CDH13: variants seen among roughly 807,000 people sequenced by gnomAD.
CDH13 encodes cadherin 13, also known as cadherin-13.
In CDH13, 24 loss-of-function variants were observed where a neutral mutation model predicts 63.8. That is an observed-to-expected ratio of 0.38 (90% CI 0.27 to 0.53). The LOEUF (loss-of-function observed/expected upper bound fraction) is 0.53. Ranked by LOEUF, CDH13 falls within the 20% of genes least tolerant of loss-of-function variation. The probability of loss-of-function intolerance (pLI) is 0.85; values close to 1 mark genes in which losing one functional copy is unlikely to be tolerated. For synonymous variants in CDH13, 503 were observed against 355.3 expected (o/e 1.42, Z -4.67); for missense variants, 1,049 against 903.1 (o/e 1.16, Z -2.07).
intron 1 of CDH13, among the ~76,000 whole-genome samples, chr16:82,847,956 T>C (rs1431027246): frequency 6.6e-6 from 1 of 151,762 alleles, no homozygotes; most frequent in Non-Finnish European, 1.5e-5. Flanking sequence ...ATTTGTGGTG[T>C]TGAAGTCAAA....
chr16:82,808,686 C>T (rs868148902), intron 1 of CDH13, among the ~76,000 whole-genome samples: 3 of 152,084 alleles, frequency 2.0e-5, no homozygotes, highest in African/African-American at 4.8e-5. Context: ...TGCTGTGTAA[C>T]GGGCACAGGT....
intron 6 of CDH13, among the ~76,000 whole-genome samples, chr16:83,467,747 C>G (rs2073352877): frequency 6.6e-6 from 1 of 152,146 alleles, no homozygotes; most frequent in Non-Finnish European, 1.5e-5. Flanking sequence ...TCCTCAGGAC[C>G]CAACCCACCA....
intron 1 of CDH13, among the ~76,000 whole-genome samples, chr16:82,633,231 A>G (rs1288910861): frequency 6.6e-6 from 1 of 152,226 alleles, no homozygotes; most frequent in African/African-American, 2.4e-5. Context: ...GAGCATCATC[A>G]TTCCATGAGT....
At chr16:82,991,084 G>T (rs1911598887) in intron 2 of CDH13, among the ~76,000 whole-genome samples, 1 of 152,178 alleles carries the variant, frequency 6.6e-6, no homozygotes, top group Non-Finnish European at 1.5e-5. Context: ...TCCTTGATTT[G>T]ATAAAGTCCA....
intron 1 of CDH13, among the ~76,000 whole-genome samples, chr16:82,627,452 A>C (rs759207733): frequency 9.2e-5 from 14 of 152,084 alleles, no homozygotes; most frequent in Non-Finnish European, 1.8e-4. Context: ...TCTCGCCCAC[A>C]TCAAGTGGGG....
At chr16:83,179,087 C>T (rs2038243789) in intron 4 of CDH13, among the ~76,000 whole-genome samples, 1 of 152,188 alleles carries the variant, frequency 6.6e-6, no homozygotes, top group Non-Finnish European at 1.5e-5. Flanking sequence ...GAATTCGAGT[C>T]TCACATCAGA....
intron 6 of CDH13, among the ~76,000 whole-genome samples, chr16:83,410,578 T>C (rs913598852): frequency 6.6e-6 from 1 of 152,202 alleles, no homozygotes; most frequent in Non-Finnish European, 1.5e-5. Context: ...TTACCATCTT[T>C]TGTAAGCTCT....
intron 1 of CDH13, among the ~76,000 whole-genome samples, chr16:82,781,994 T>C (rs1022367610): frequency 6.6e-6 from 1 of 152,142 alleles, no homozygotes; most frequent in Admixed American, 6.5e-5. Context: ...ATGTCATATG[T>C]GGTAAAAGAG....
chr16:83,255,950 G>T (rs1348396864), intron 5 of CDH13, among the ~76,000 whole-genome samples: 2 of 152,134 alleles, frequency 1.3e-5, no homozygotes, highest in Admixed American at 6.5e-5. Context: ...CTTGATTATG[G>T]TCAAATCTAA....
intron 11 of CDH13, among the ~76,000 whole-genome samples, chr16:83,779,406 CAAAAAA>C (rs144757645): frequency 3.6e-5 from 3 of 82,552 alleles, no homozygotes; most frequent in African/African-American, 5.6e-5. Flanking sequence ...GACTCCATCT[CAAAAAA>C]AAAAAAAAAA....
At chr16:83,580,448 T>TTCTCTCTCTCTCTCTCTCTCTCTCTC (rs55664829) in intron 7 of CDH13, among the ~76,000 whole-genome samples, 1 of 76,368 alleles carries the variant, frequency 1.3e-5, no homozygotes, top group Non-Finnish European at 2.6e-5. Flanking sequence ...TTCTGTTCAT[T>TTCTCTCTCTCTCTCTCTCTCTCTCTC]TCTCTCTCTC....
chr16:83,411,871 G>A (rs996199349), intron 6 of CDH13, among the ~76,000 whole-genome samples: 1 of 152,168 alleles, frequency 6.6e-6, no homozygotes, highest in African/African-American at 2.4e-5. Context: ...AAGTTTATAA[G>A]GTAGATAGTA....
At chr16:82,690,391 C>G (rs764516793) in intron 1 of CDH13, among the ~76,000 whole-genome samples, 5 of 151,758 alleles carry the variant, frequency 3.3e-5, no homozygotes, top group Non-Finnish European at 5.9e-5. Flanking sequence ...GGCTTGGACA[C>G]AAAAATAACA....
intron 7 of CDH13, among the ~76,000 whole-genome samples, chr16:83,525,626 C>T (rs2074943113): frequency 6.6e-6 from 1 of 152,126 alleles, no homozygotes; most frequent in Non-Finnish European, 1.5e-5. Context: ...GATAATGGCC[C>T]TCCCAAAGGT....
intron 4 of CDH13, among the ~76,000 whole-genome samples, chr16:83,157,622 C>G (rs139895615): frequency 6.6e-6 from 1 of 151,466 alleles, no homozygotes; most frequent in African/African-American, 2.4e-5. Flanking sequence ...CGGCCGGGCG[C>G]GGTGGTTCAC....
intron 1 of CDH13, among the ~76,000 whole-genome samples, chr16:82,754,156 G>C (rs1186782994): frequency 6.6e-6 from 1 of 152,120 alleles, no homozygotes; most frequent in African/African-American, 2.4e-5. Context: ...ATTAAACTTA[G>C]TGTACAGTAA....
intron 1 of CDH13, among the ~76,000 whole-genome samples, chr16:82,701,709 G>T (rs763199434): frequency 6.6e-6 from 1 of 152,076 alleles, no homozygotes; most frequent in African/African-American, 2.4e-5. Context: ...AGCATTTCCA[G>T]TGGAGAGAAG....
intron 1 of CDH13, among the ~76,000 whole-genome samples, chr16:82,737,981 C>T (rs1199773556): frequency 6.6e-6 from 1 of 152,140 alleles, no homozygotes; most frequent in South Asian, 2.1e-4. Flanking sequence ...TAAGAACACC[C>T]ACCATGCAAT....
At chr16:83,118,029 C>G (rs1334358372) in intron 3 of CDH13, among the ~76,000 whole-genome samples, 1 of 152,114 alleles carries the variant, frequency 6.6e-6, no homozygotes, top group Non-Finnish European at 1.5e-5. Context: ...CTAATAGAAT[C>G]CAGCATGCGT....
Sources: gnomAD v4.1 joint callset for allele counts (sites outside exome capture counted in the v4.1 genomes callset) on GRCh38, gnomAD v4.1.1 for gene constraint, MANE v1.5 for transcripts, NCBI Gene and HGNC (gene_info 2026-07-23, HGNC 2026-07-21) for gene names.